Variants in TRPM6 observed in about 807,000 individuals in gnomAD.
The protein encoded by TRPM6 is channel kinase 2.
Under a neutral mutation model 247.6 loss-of-function variants are expected in TRPM6, and 111 were observed. That is an observed-to-expected ratio of 0.45 (90% CI 0.38 to 0.52). The LOEUF (loss-of-function observed/expected upper bound fraction) is 0.52, where lower values mean the gene tolerates loss of function less well. Among genes scored for constraint, TRPM6 ranks in the 20% least tolerant of loss-of-function variants. TRPM6 has a pLI of 0.00. For missense variants in TRPM6, 2,126 were observed against 2,421.5 expected, an observed-to-expected ratio of 0.88 and a Z score of 2.56; for synonymous variants, 892 against 853.8, an observed-to-expected ratio of 1.04 and a Z score of -0.78.
intron 27 of TRPM6, among the ~76,000 whole-genome samples, chr9:74,759,809 T>C (rs547368191): frequency 2.2e-4 from 34 of 152,128 alleles, no homozygotes; most frequent in Admixed American, 8.5e-4. Flanking sequence ...AAAGGACGTT[T>C]ACGAAAATTA....
At chr9:74,768,599 C>T (rs907049690) in intron 25 of TRPM6, among the ~76,000 whole-genome samples, 1 of 152,210 alleles carries the variant, frequency 6.6e-6, no homozygotes, top group Admixed American at 6.5e-5. Flanking sequence ...TTCTGAAAGT[C>T]GTGCTGGACT....
At chr9:74,854,389 C>A (rs1292140608) in intron 3 of TRPM6, among the ~76,000 whole-genome samples, 1 of 152,046 alleles carries the variant, frequency 6.6e-6, no homozygotes, top group Non-Finnish European at 1.5e-5. Context: ...TTATTATATT[C>A]TTATTTTGCT....
intron 11 of TRPM6, among the ~76,000 whole-genome samples, 189 bp from the exon 12 acceptor site, chr9:74,812,622 G>A (rs1027699056): frequency 6.6e-6 from 1 of 151,842 alleles, no homozygotes; most frequent in African/African-American, 2.4e-5. Context: ...AGGCTCAGTG[G>A]CGCACACCTG....
At chr9:74,801,165 T>C (rs1671466719) in intron 16 of TRPM6, among the ~76,000 whole-genome samples, 1 of 150,838 alleles carries the variant, frequency 6.6e-6, no homozygotes. Context: ...CTTGAACTCC[T>C]AGCCTCAATC....
At position 74,747,882 on chromosome 9, in the gene TRPM6, A is replaced by C. The variant is rs1219083430; in HGVS notation, c.5083+7T>G. On this transcript the variant is annotated splice_region_variant and intron_variant, in intron 31 of 38. Coordinates refer to ENST00000360774, the MANE Select transcript of TRPM6 (RefSeq NM_017662.5). The stretch of plus-strand genomic sequence containing the variant: ...AAAAAATAAAATGTTTAAACAGAAA[A>C]ACTTACTGTCAACTCCAATTGAACT... 6.2e-7 allele frequency: 1 copy of C among 1,606,194 alleles called. No homozygotes were observed. Among genetic ancestry groups the C allele is most frequent in the Admixed American group, 1.7e-5 (1 of 59,910 alleles).
intron 4 of TRPM6, among the ~76,000 whole-genome samples, chr9:74,841,826 C>G (rs1829947749): frequency 6.6e-6 from 1 of 152,160 alleles, no homozygotes; most frequent in Admixed American, 6.5e-5. Flanking sequence ...ATACATAATT[C>G]CTTTATTCCA....
chr9:74,724,360 C>G lies in TRPM6; in HGVS notation c.*253G>C. The stretch of plus-strand genomic sequence containing the variant: ...CAATGAGGTACACAAGAACAATATT[C>G]CCAGCTGACTCATCCAAGCATCTTC... On this transcript the variant is annotated 3_prime_UTR_variant, in exon 39 of 39. Coordinates refer to ENST00000360774, the MANE Select transcript of TRPM6 (RefSeq NM_017662.5). 1.8e-6 allele frequency: 1 copy of G among 541,032 alleles called. No homozygotes were observed. The highest frequency in any genetic ancestry group is 3.3e-6 in the Non-Finnish European group (1 of 301,812). 33.5% of individuals were successfully genotyped at this position (541,032 alleles called of 1,614,324 possible). A position where few individuals can be genotyped will look rare whatever the true frequency, so the allele number is the denominator to read the frequency against.
chr9:74,800,571 A>G, intron 16 of TRPM6, 89 bp from the exon 17 acceptor site: 1 of 953,368 alleles, frequency 1.0e-6, no homozygotes, highest in Non-Finnish European at 1.7e-6. Context: ...AAACATTGTA[A>G]AAGATTGGAT....
chr9:74,761,222 A>G (rs1054518368), intron 27 of TRPM6, among the ~76,000 whole-genome samples: 5 of 152,212 alleles, frequency 3.3e-5, no homozygotes, highest in African/African-American at 9.6e-5. Context: ...AAAAATTAAA[A>G]AACACTTACC....
At chr9:74,750,451 T>A (rs1445857029) in intron 30 of TRPM6, among the ~76,000 whole-genome samples, 2 of 152,216 alleles carry the variant, frequency 1.3e-5, no homozygotes, top group Non-Finnish European at 2.9e-5. Context: ...TGTTTCGTTA[T>A]ATTCTTAAAA....
At chr9:74,780,354 T>A (rs145859050) in intron 23 of TRPM6, among the ~76,000 whole-genome samples, 2 of 151,920 alleles carry the variant, frequency 1.3e-5, no homozygotes, top group East Asian at 3.9e-4. Flanking sequence ...CTTGGGAGGC[T>A]GAGGTAGGAC....
At chr9:74,817,278 G>T (rs1828968049) in intron 9 of TRPM6, among the ~76,000 whole-genome samples, 1 of 152,160 alleles carries the variant, frequency 6.6e-6, no homozygotes, top group Non-Finnish European at 1.5e-5. Flanking sequence ...ATAAAATCAT[G>T]TCTCCTTTCA....
chr9:74,868,248 A>G (rs1235347363), intron 1 of TRPM6, among the ~76,000 whole-genome samples: 1 of 151,344 alleles, frequency 6.6e-6, no homozygotes, highest in Non-Finnish European at 1.5e-5. Flanking sequence ...TAATCCCAAC[A>G]CTTAGGGAGG....
At chr9:74,737,477 A>G (rs1825731288) in intron 36 of TRPM6, 1 of 1,274,358 alleles carries the variant, frequency 7.8e-7, no homozygotes, top group Non-Finnish European at 1.0e-6. Context: ...GGACAAGAAA[A>G]AGGCCCAAGT....
At chr9:74,727,306 C>T (rs921442426) in intron 38 of TRPM6, among the ~76,000 whole-genome samples, 2 of 147,128 alleles carry the variant, frequency 1.4e-5, no homozygotes, top group Non-Finnish European at 3.0e-5. Flanking sequence ...CGCTTGAACC[C>T]GGTAGGCGGA....
At chr9:74,860,944 C>A (rs1282374075) in intron 1 of TRPM6, among the ~76,000 whole-genome samples, 5 of 152,002 alleles carry the variant, frequency 3.3e-5, no homozygotes, top group African/African-American at 1.2e-4. Context: ...ATTGCTTAAG[C>A]CCAAGGAAGT....
chr9:74,801,157 TG>T (rs1331648311), intron 16 of TRPM6, among the ~76,000 whole-genome samples: 4 of 151,702 alleles, frequency 2.6e-5, no homozygotes, highest in African/African-American at 7.3e-5. Flanking sequence ...AGGCTGGTCT[TG>T]AACTCCTAGC....
At chr9:74,802,381 C>T (rs896001102) in intron 15 of TRPM6, among the ~76,000 whole-genome samples, 1 of 152,100 alleles carries the variant, frequency 6.6e-6, no homozygotes, top group Admixed American at 6.5e-5. Context: ...GATCCAGAGT[C>T]CCTGAACTGA....
chr9:74,838,756 T>C (rs890392910), intron 5 of TRPM6, among the ~76,000 whole-genome samples: 3 of 106,852 alleles, frequency 2.8e-5, no homozygotes, highest in African/African-American at 1.1e-4. Context: ...CAAAATTTGA[T>C]AGGAGACACT....
Sources: allele counts gnomAD v4.1 joint callset (sites outside exome capture counted in the v4.1 genomes callset), GRCh38; gene constraint gnomAD v4.1.1; transcripts MANE v1.5; gene names NCBI Gene and HGNC (gene_info 2026-07-23, HGNC 2026-07-21).